SYN3: variants seen among roughly 807,000 people sequenced by gnomAD.
The protein encoded by SYN3 is synapsin-3.
In SYN3, 35 loss-of-function variants were observed where a neutral mutation model predicts 65.8. The ratio of observed to expected loss-of-function variants is 0.53; its 90% confidence interval spans 0.41 to 0.70. The LOEUF is 0.70. Among genes scored for constraint, SYN3 ranks in the 30% least tolerant of loss-of-function variants. The pLI is 0.00. For synonymous variants in SYN3, 270 were observed against 292.9 expected (o/e 0.92, Z 0.80); for missense variants, 680 against 749.0 (o/e 0.91, Z 1.08).
intron 6 of SYN3, among the ~76,000 whole-genome samples, chr22:32,808,381 G>A (rs2046822320): frequency 6.6e-6 from 1 of 152,150 alleles, no homozygotes; most frequent in African/African-American, 2.4e-5. Flanking sequence ...GCAGTGGGAT[G>A]GTCACAAGGA....
At chr22:32,534,521 C>T (rs1322396893) in intron 9 of SYN3, among the ~76,000 whole-genome samples, 1 of 152,212 alleles carries the variant, frequency 6.6e-6, no homozygotes, top group Non-Finnish European at 1.5e-5. Flanking sequence ...GTTCCCTTTC[C>T]AGCCACTTGA....
chr22:32,680,653 G>A (rs945847503), intron 6 of SYN3, among the ~76,000 whole-genome samples: 3 of 152,266 alleles, frequency 2.0e-5, no homozygotes, highest in Admixed American at 2.0e-4. Flanking sequence ...CTTGCTAGTA[G>A]GTTTCATCCT....
At chr22:32,998,046 A>G (rs2052938425) in intron 2 of SYN3, among the ~76,000 whole-genome samples, 1 of 151,492 alleles carries the variant, frequency 6.6e-6, no homozygotes, top group Non-Finnish European at 1.5e-5. Flanking sequence ...AAAAAAAAGA[A>G]TGCCACCAAT....
Position 32,801,986 on chromosome 22 carries a change from GGCGGCAGCA to G in SYN3, c.711+62920_711+62928del, listed in dbSNP as rs773307425. Reference sequence around the variant, plus strand: ...AGAGGCGAGCAGCAGCCCCGGCAGCGGCGGCAGCAGCGGCAATGACCCCTTGGCTCGGGC... The same window carrying G: ...AGAGGCGAGCAGCAGCCCCGGCAGCGGCGGCAATGACCCCTTGGCTCGGGC... On this transcript the variant is annotated intron_variant, in intron 6 of 13. Coordinates refer to ENST00000358763, the MANE Select transcript of SYN3 (RefSeq NM_003490.4). This position sits in a 1 kb window ranked among gnomAD's most constrained non-coding sequence, Gnocchi z 4.7. 26 of 1,582,450 alleles carry G rather than the reference GGCGGCAGCA, an allele frequency of 1.6e-5. No homozygotes were observed. Among genetic ancestry groups the G allele is most frequent in the African/African-American group, 1.5e-4 (11 of 74,440 alleles).
At chr22:32,981,367 C>T (rs1017402539) in intron 2 of SYN3, among the ~76,000 whole-genome samples, 3 of 151,370 alleles carry the variant, frequency 2.0e-5, no homozygotes, top group African/African-American at 4.8e-5. Flanking sequence ...AGGTGGATTG[C>T]CTGAGGTGAG....
chr22:32,797,193 G>A (rs1050922713), intron 6 of SYN3, among the ~76,000 whole-genome samples: 1 of 152,196 alleles, frequency 6.6e-6, no homozygotes, highest in East Asian at 1.9e-4. Context: ...GCGGGATAGA[G>A]CTCCGTGAAC....
At chr22:32,548,484 T>C (rs2058365444) in intron 7 of SYN3, among the ~76,000 whole-genome samples, 1 of 152,318 alleles carries the variant, frequency 6.6e-6, no homozygotes, top group Non-Finnish European at 1.5e-5. Context: ...ACGATTCTCC[T>C]GCCTCAGCCT....
chr22:32,748,839 G>A (rs918609931), intron 6 of SYN3, among the ~76,000 whole-genome samples: 4 of 152,188 alleles, frequency 2.6e-5, no homozygotes, highest in African/African-American at 9.7e-5. Flanking sequence ...TGTGGCCTCT[G>A]TCTCCCTCGG....
intron 6 of SYN3, among the ~76,000 whole-genome samples, chr22:32,625,327 G>A (rs1046714143): frequency 6.6e-6 from 1 of 152,168 alleles, no homozygotes; most frequent in African/African-American, 2.4e-5. Flanking sequence ...TGGAACAATG[G>A]TTAGATCCAG....
intron 4 of SYN3, among the ~76,000 whole-genome samples, chr22:32,922,121 G>A (rs2050350104): frequency 6.6e-6 from 1 of 152,202 alleles, no homozygotes; most frequent in Non-Finnish European, 1.5e-5. Flanking sequence ...CTAAAAGTCA[G>A]ATGCATGGAT....
chr22:32,930,458 G>A (rs114825193), intron 4 of SYN3, among the ~76,000 whole-genome samples: 187 of 152,112 alleles, frequency 1.2e-3, no homozygotes, highest in African/African-American at 4.3e-3. Flanking sequence ...ACCCGGTCTC[G>A]AGTATATGTC....
chr22:32,629,675 C>T (rs901134214), intron 6 of SYN3: 1 of 152,204 alleles, frequency 6.6e-6, no homozygotes, highest in Non-Finnish European at 1.5e-5. Flanking sequence ...TTGCCAGAGC[C>T]ATCCCCTGGG....
chr22:32,641,500 C>A (rs969922947), intron 6 of SYN3, among the ~76,000 whole-genome samples: 1 of 148,226 alleles, frequency 6.7e-6, no homozygotes. Context: ...CCCAGCTACT[C>A]GGGAGGCTGA....
intron 6 of SYN3, among the ~76,000 whole-genome samples, chr22:32,818,785 G>A (rs1056798170): frequency 3.3e-5 from 5 of 152,196 alleles, no homozygotes; most frequent in African/African-American, 1.2e-4. Flanking sequence ...ATCTGGAGAA[G>A]GGGAAGTGAC....
intron 6 of SYN3, among the ~76,000 whole-genome samples, chr22:32,677,067 A>G (rs2060456087): frequency 6.6e-6 from 1 of 152,230 alleles, no homozygotes; most frequent in African/African-American, 2.4e-5. Flanking sequence ...CAACACATAC[A>G]TATTGGACAT....
intron 6 of SYN3, among the ~76,000 whole-genome samples, chr22:32,815,844 G>A (rs991446117): frequency 1.3e-5 from 2 of 152,084 alleles, no homozygotes; most frequent in Non-Finnish European, 2.9e-5. Flanking sequence ...TTCTGCCCAC[G>A]GTCACCCCAC....
At chr22:32,728,364 G>A (rs1363453289) in intron 6 of SYN3, among the ~76,000 whole-genome samples, 2 of 152,178 alleles carry the variant, frequency 1.3e-5, no homozygotes, top group East Asian at 3.8e-4. Context: ...CCTGTGCTCC[G>A]GCCATACCAG....
chr22:32,573,721 C>T (rs1157526078), intron 7 of SYN3, among the ~76,000 whole-genome samples: 1 of 146,464 alleles, frequency 6.8e-6, no homozygotes, highest in African/African-American at 2.5e-5. Flanking sequence ...GGTGGTACAA[C>T]TGGAAAGGAA....
At chr22:32,554,602 C>G (rs1191921046) in intron 7 of SYN3, among the ~76,000 whole-genome samples, 1 of 152,170 alleles carries the variant, frequency 6.6e-6, no homozygotes, top group Non-Finnish European at 1.5e-5. Context: ...CACCCCGCCA[C>G]TCCGGCTCGT....
Sources: gnomAD v4.1 joint callset for allele counts (sites outside exome capture counted in the v4.1 genomes callset) on GRCh38, gnomAD v4.1.1 for gene constraint, Gnocchi (gnomAD v3.1) non-coding constraint, MANE v1.5 for transcripts, NCBI Gene and HGNC (gene_info 2026-07-23, HGNC 2026-07-21) for gene names.